USP10: variants seen among roughly 807,000 people sequenced by gnomAD.
USP10 encodes ubiquitin carboxyl-terminal hydrolase 10.
In USP10, 22 loss-of-function variants were observed where a neutral mutation model predicts 84.5. The observed-to-expected ratio is 0.26, with a 90% CI of 0.19 to 0.37. USP10 has a LOEUF of 0.37. Among genes scored for constraint, USP10 ranks in the 10% least tolerant of loss-of-function variants. The pLI is 1.00. For missense variants in USP10, 1,019 were observed against 998.9 expected, an observed-to-expected ratio of 1.02 and a Z score of -0.27; for synonymous variants, 454 against 387.6, an observed-to-expected ratio of 1.17 and a Z score of -2.01.
rs1386925169 is a variant in USP10, at chr16:84,779,349, A to G, written c.*267A>G. On this transcript the variant is annotated 3_prime_UTR_variant, in exon 14 of 14. Coordinates refer to ENST00000219473, the MANE Select transcript of USP10 (RefSeq NM_005153.3). ...AACCCATATTTCTGAAATAATGCTGATTCCTGAGATAAGAAAGTGGATTTG... is the reference window on the plus strand; with the variant it reads ...AACCCATATTTCTGAAATAATGCTGGTTCCTGAGATAAGAAAGTGGATTTG... 1 of 289,808 alleles carries G rather than the reference A, an allele frequency of 3.5e-6. No individual in the cohort carries two copies. The highest frequency in any genetic ancestry group is 6.4e-6 in the Non-Finnish European group (1 of 155,502). 18.0% of individuals were successfully genotyped at this position (289,808 alleles called of 1,614,324 possible).
At chr16:84,709,049 GTTCA>G (rs1301820265) in intron 1 of USP10, 1 of 152,208 alleles carries the variant, frequency 6.6e-6, no homozygotes, top group Admixed American at 6.5e-5. Context: ...TCATTCGTTT[GTTCA>G]TTCATTCAGC....
intron 2 of USP10, among the ~76,000 whole-genome samples, chr16:84,739,150 C>T (rs1425778172): frequency 1.3e-5 from 2 of 151,896 alleles, no homozygotes; most frequent in Non-Finnish European, 2.9e-5. Flanking sequence ...GCTCCGCCTC[C>T]CGGGTTCACG....
intron 1 of USP10, among the ~76,000 whole-genome samples, chr16:84,710,358 T>TAAAGAGCC (rs2150760596): frequency 6.6e-6 from 1 of 152,244 alleles, no homozygotes; most frequent in East Asian, 1.9e-4. Context: ...GATTTGATTC[T>TAAAGAGCC]TTAGGCTCTC....
intron 4 of USP10, among the ~76,000 whole-genome samples, chr16:84,758,125 T>G (rs943380447): frequency 6.6e-6 from 1 of 152,222 alleles, no homozygotes; most frequent in African/African-American, 2.4e-5. Context: ...AATAAGGGAA[T>G]TACAGTTTAT....
chr16:84,731,231 G>GGCCT (rs1371873598), intron 1 of USP10, among the ~76,000 whole-genome samples: 1 of 151,358 alleles, frequency 6.6e-6, no homozygotes, highest in Non-Finnish European at 1.5e-5. Flanking sequence ...CGCCCACCTC[G>GGCCT]GCCTCCCAGA....
intron 1 of USP10, among the ~76,000 whole-genome samples, chr16:84,713,823 T>C (rs1157569297): frequency 6.6e-6 from 1 of 152,178 alleles, no homozygotes; most frequent in African/African-American, 2.4e-5. Flanking sequence ...CTGAGTTCTA[T>C]AGTTTGCAGA....
At chr16:84,745,726 A>T in intron 4 of USP10, 53 bp downstream of exon 4, 1 of 1,531,126 alleles carries the variant, frequency 6.5e-7, no homozygotes, top group Admixed American at 2.0e-5. Context: ...GACCTCATCA[A>T]CTGGGCTTAT....
At chr16:84,723,549 A>T (rs1262883419) in intron 1 of USP10, among the ~76,000 whole-genome samples, 1 of 152,224 alleles carries the variant, frequency 6.6e-6, no homozygotes, top group African/African-American at 2.4e-5. Context: ...TGGAGAAATT[A>T]TTCCTTATCC....
intron 1 of USP10, among the ~76,000 whole-genome samples, chr16:84,729,337 G>C (rs1164924692): frequency 2.7e-4 from 41 of 152,112 alleles, no homozygotes; most frequent in Admixed American, 2.7e-3. Flanking sequence ...AAGAAATTCC[G>C]TTTTATTCTT....
At chr16:84,707,830 G>T (rs1256847872) in intron 1 of USP10, among the ~76,000 whole-genome samples, 1 of 152,096 alleles carries the variant, frequency 6.6e-6, no homozygotes, top group Non-Finnish European at 1.5e-5. Flanking sequence ...TGTAATCCCA[G>T]CACTTTGGGA....
chr16:84,743,857 T>G (rs1318719914), intron 3 of USP10, among the ~76,000 whole-genome samples: 1 of 152,214 alleles, frequency 6.6e-6, no homozygotes, highest in Admixed American at 6.5e-5. Context: ...ATTCTAACTT[T>G]TTCTTTTGGT....
At chr16:84,716,312 G>A (rs1907008575) in intron 1 of USP10, 1 of 152,162 alleles carries the variant, frequency 6.6e-6, no homozygotes, top group African/African-American at 2.4e-5. Flanking sequence ...TTCCTTAACT[G>A]TTAATGTGTC....
In USP10 at chr16:84,778,980, C is replaced by T. The variant is rs370874620; in HGVS notation, c.2295C>T (p.Ile765=). 3.5e-5 allele frequency: 56 copies of T among 1,614,040 alleles called. No homozygotes were observed. The African/African-American group carries it at 3.7e-4, about 11-fold the overall frequency. Residue 765 remains isoleucine, a synonymous_variant, in exon 14 of 14, where the codon ATC becomes ATT. Transcript: ENST00000219473. ...TCGGTCTGAATGGCTGGCTGCGCAT[C>T]GATGACCAGACAGTCAAGGTGATCA... ...FQIGLNGWLR[I]DDQTVKVINQ...
intron 1 of USP10, among the ~76,000 whole-genome samples, chr16:84,717,631 A>G (rs10220981): frequency 0.017 from 2,574 of 152,276 alleles, 76 homozygotes; most frequent in African/African-American, 0.059. Flanking sequence ...GGAGGAGGCC[A>G]CTACCTAGGT....
At chr16:84,717,955 G>C (rs1456264205) in intron 1 of USP10, among the ~76,000 whole-genome samples, 1 of 152,288 alleles carries the variant, frequency 6.6e-6, no homozygotes, top group East Asian at 1.9e-4. Flanking sequence ...GATCACGTTA[G>C]GGTATTTGTG....
chr16:84,764,242 G>A lies in USP10; in HGVS notation c.1811G>A (p.Gly604Asp), dbSNP rs761500673. The change falls in exon 10 of 14, where the codon GGC (glycine) becomes GAC (aspartate). Residue 604 changes from glycine to aspartate, a missense_variant. Gly to Asp is a moderately conservative substitution (Grantham distance 94). Transcript: ENST00000219473. ...QADFVQTPIT[G>D]IFGGHIRSVV... ...GATTTTGTTCAGACTCCAATCACCGGCATTTTTGGTGGACACATCAGGTTT... is the reference window on the plus strand; with the variant it reads ...GATTTTGTTCAGACTCCAATCACCGACATTTTTGGTGGACACATCAGGTTT... The A allele has an allele frequency of 6.2e-7, 1 of 1,614,002 alleles. No homozygotes were observed. The highest frequency in any genetic ancestry group is 1.7e-5 in the Admixed American group (1 of 60,022).
intron 1 of USP10, chr16:84,708,831 C>T (rs79934545): frequency 6.6e-6 from 1 of 152,116 alleles, no homozygotes; most frequent in African/African-American, 2.4e-5. Flanking sequence ...TTTTTCAGAA[C>T]CACATATGAA....
At chr16:84,777,190 G>C (rs768812671) in intron 13 of USP10, among the ~76,000 whole-genome samples, 21 of 152,198 alleles carry the variant, frequency 1.4e-4, no homozygotes, top group Non-Finnish European at 2.8e-4. Context: ...TGTCAGGGGG[G>C]CTTGCAGGTG....
chr16:84,706,177 C>G (rs1184357783), intron 1 of USP10, among the ~76,000 whole-genome samples: 3 of 152,168 alleles, frequency 2.0e-5, no homozygotes, highest in Non-Finnish European at 4.4e-5. Context: ...GCCACCGCGC[C>G]TAGCCTCCCT....
Sources: gnomAD v4.1 joint callset for allele counts (sites outside exome capture counted in the v4.1 genomes callset) on GRCh38, gnomAD v4.1.1 for gene constraint, MANE v1.5 for transcripts, NCBI Gene and HGNC (gene_info 2026-07-23, HGNC 2026-07-21) for gene names.